Variants in MGLL observed in about 807,000 individuals in gnomAD.
MGLL encodes the protein monoglyceride lipase.
Under a neutral mutation model 29.1 loss-of-function variants are expected in MGLL, and 7 were observed. The observed-to-expected ratio is 0.24, with a 90% CI of 0.14 to 0.45. The LOEUF (loss-of-function observed/expected upper bound fraction) is 0.45, where lower values mean the gene tolerates loss of function less well. Among genes scored for constraint, MGLL ranks in the 20% least tolerant of loss-of-function variants. The pLI is 0.99. For missense variants in MGLL, 356 were observed against 413.6 expected, an observed-to-expected ratio of 0.86 and a Z score of 1.21; for synonymous variants, 148 against 168.3, an observed-to-expected ratio of 0.88 and a Z score of 0.93.
intron 3 of MGLL, among the ~76,000 whole-genome samples, chr3:127,730,030 C>T (rs143686632): frequency 2.6e-5 from 4 of 152,344 alleles, no homozygotes; most frequent in Non-Finnish European, 5.9e-5. Context: ...CTTCACATAG[C>T]GGTTAAAGGC....
In MGLL at chr3:127,743,657, G is replaced by A. The variant is rs116598805; in HGVS notation, c.263-21091C>T. ...CTCAAAGTCACAGGTAGAAGGGGCC[G>A]GAGAGGCAATGTGTTAGACAAGAAC... On this transcript the variant is annotated intron_variant, in intron 3 of 7. Coordinates refer to ENST00000265052, the MANE Select transcript of MGLL (RefSeq NM_007283.7). Among the ~76,000 whole-genome samples, 708 of 150,220 alleles carry A rather than the reference G, an allele frequency of 4.7e-3. 7 individuals carry two copies. The highest frequency in any genetic ancestry group is 0.016 in the African/African-American group (658 of 40,786).
At chr3:127,693,243 C>G (rs994975156) in intron 7 of MGLL, among the ~76,000 whole-genome samples, 1 of 152,174 alleles carries the variant, frequency 6.6e-6, no homozygotes, top group Non-Finnish European at 1.5e-5. Flanking sequence ...TGACAGTGAT[C>G]TCACTCTCTG....
At chr3:127,735,395 G>T (rs1036141219) in intron 3 of MGLL, among the ~76,000 whole-genome samples, 3 of 152,186 alleles carry the variant, frequency 2.0e-5, no homozygotes, top group Non-Finnish European at 1.5e-5. Flanking sequence ...GTGGCAAATG[G>T]ATTATCACAC....
chr3:127,707,836 C>T (rs1296338927), intron 6 of MGLL, among the ~76,000 whole-genome samples: 1 of 152,182 alleles, frequency 6.6e-6, no homozygotes, highest in African/African-American at 2.4e-5. Flanking sequence ...AGCTTTGGGG[C>T]GACGCAAGTG....
chr3:127,705,753 G>A (rs1263885063), intron 6 of MGLL, among the ~76,000 whole-genome samples: 3 of 148,358 alleles, frequency 2.0e-5, no homozygotes, highest in South Asian at 2.1e-4. Flanking sequence ...TCCAGCCTGG[G>A]CGACGAGAGA....
intron 6 of MGLL, among the ~76,000 whole-genome samples, chr3:127,708,518 G>C (rs997305480): frequency 5.9e-5 from 9 of 152,210 alleles, no homozygotes; most frequent in Non-Finnish European, 1.3e-4. Context: ...GGAGAGAAAA[G>C]ATCTGAAATT....
chr3:127,814,357 G>A (rs997563603), intron 2 of MGLL, among the ~76,000 whole-genome samples: 2 of 152,122 alleles, frequency 1.3e-5, no homozygotes, highest in Non-Finnish European at 2.9e-5. Context: ...AATGAACAAG[G>A]CTGTGTGAAA....
intron 6 of MGLL, among the ~76,000 whole-genome samples, chr3:127,707,854 C>T (rs2075632844): frequency 4.6e-5 from 7 of 152,348 alleles, no homozygotes; most frequent in Admixed American, 4.6e-4. Context: ...GTGAAGAGAG[C>T]CCACTAGCAG....
chr3:127,696,707 C>A (rs2075374033), intron 6 of MGLL, among the ~76,000 whole-genome samples: 1 of 152,050 alleles, frequency 6.6e-6, no homozygotes, highest in Non-Finnish European at 1.5e-5. Flanking sequence ...AGCTACCGCG[C>A]CCGGCCCCAT....
At chr3:127,823,029 C>T, upstream of MGLL, 1 of 152,252 alleles carries the variant, frequency 6.6e-6, no homozygotes, top group Non-Finnish European at 1.5e-5. Flanking sequence ...CAGTGCTGCT[C>T]CCCACCCCTG....
Position 127,778,303 on chromosome 3 carries a change from G to A in MGLL, c.262+3486C>T, listed in dbSNP as rs577907556. 2.0e-4 allele frequency among the ~76,000 whole-genome samples: 30 copies of A among 152,310 alleles called. 1 individual carries two copies. The East Asian group carries it at 5.0e-3, about 25-fold the overall frequency. ...AGAACGGCCTGTGCAGGCCTGAGGGGTGACCCAGCCCGCTCAGGGCAACCA... is the reference window on the plus strand; with the variant it reads ...AGAACGGCCTGTGCAGGCCTGAGGGATGACCCAGCCCGCTCAGGGCAACCA... On this transcript the variant is annotated intron_variant, in intron 3 of 7. Coordinates refer to ENST00000265052, the MANE Select transcript of MGLL (RefSeq NM_007283.7).
chr3:127,817,773 G>A (rs541089085), intron 2 of MGLL, among the ~76,000 whole-genome samples: 19 of 152,328 alleles, frequency 1.2e-4, no homozygotes, highest in Non-Finnish European at 1.9e-4. Context: ...ACTTCTAGAC[G>A]TCTTTCTATG....
At chr3:127,768,502 A>T (rs2076895516) in intron 3 of MGLL, among the ~76,000 whole-genome samples, 1 of 152,176 alleles carries the variant, frequency 6.6e-6, no homozygotes, top group South Asian at 2.1e-4. Context: ...TAGGGATCAG[A>T]GCCCTCATTT....
chr3:127,807,991 A>C (rs1201984450), intron 2 of MGLL, among the ~76,000 whole-genome samples: 8 of 150,358 alleles, frequency 5.3e-5, no homozygotes, highest in Non-Finnish European at 1.2e-4. Context: ...CGATCTCCTG[A>C]CCTCGTGATC....
At chr3:127,822,516 G>A (rs1021026337), upstream of MGLL, 172 of 617,588 alleles carry the variant, frequency 2.8e-4, no homozygotes, top group Non-Finnish European at 3.6e-4. Context: ...CAGGCTCTCC[G>A]GGGCTCCCCT....
At chr3:127,816,447 T>C (rs1158836392) in intron 2 of MGLL, among the ~76,000 whole-genome samples, 2 of 152,124 alleles carry the variant, frequency 1.3e-5, no homozygotes, top group East Asian at 3.9e-4. Context: ...TGGAATTATG[T>C]GCAAGCAAAT....
intron 2 of MGLL, among the ~76,000 whole-genome samples, chr3:127,793,583 C>T (rs1475792986): frequency 3.9e-5 from 6 of 152,024 alleles, no homozygotes; most frequent in African/African-American, 7.2e-5. Context: ...TTTTTTGAGA[C>T]GAAGTCTTGC....
chr3:127,695,979 C>A (rs1234528040), intron 6 of MGLL, among the ~76,000 whole-genome samples: 1 of 152,182 alleles, frequency 6.6e-6, no homozygotes, highest in Non-Finnish European at 1.5e-5. Context: ...AAAGCGAGGG[C>A]CCATGCTAGG....
intron 3 of MGLL, among the ~76,000 whole-genome samples, chr3:127,776,283 C>T (rs1205342261): frequency 6.6e-6 from 1 of 151,846 alleles, no homozygotes; most frequent in Non-Finnish European, 1.5e-5. Flanking sequence ...AGTTCTCAAC[C>T]TGGGCTGCAT....
Sources: gnomAD v4.1 joint callset for allele counts (sites outside exome capture counted in the v4.1 genomes callset) on GRCh38, gnomAD v4.1.1 for gene constraint, MANE v1.5 for transcripts, NCBI Gene and HGNC (gene_info 2026-07-23, HGNC 2026-07-21) for gene names.